Variants in PACRGL observed in about 807,000 individuals in gnomAD.
The protein encoded by PACRGL is parkin coregulated like.
A neutral mutation model predicts 34.5 loss-of-function variants in PACRGL; 38 were observed. That is an observed-to-expected ratio of 1.10 (90% CI 0.85 to 1.44). PACRGL has a LOEUF of 1.44. Ranked by LOEUF, PACRGL falls within the 40% of genes most tolerant of loss-of-function variation. The pLI is 0.00. For synonymous variants in PACRGL, 128 were observed against 100.1 expected (o/e 1.28, Z -1.66); for missense variants, 305 against 281.4 (o/e 1.08, Z -0.60).
intron 8 of PACRGL, among the ~76,000 whole-genome samples, chr4:20,739,025 C>G (rs1383964221): frequency 6.6e-6 from 1 of 152,174 alleles, no homozygotes; most frequent in Non-Finnish European, 1.5e-5. Flanking sequence ...TGCAAGGCAA[C>G]AGTGAGGCTG....
At chr4:20,739,277 G>A (rs1053004159) in intron 8 of PACRGL, among the ~76,000 whole-genome samples, 1 of 152,216 alleles carries the variant, frequency 6.6e-6, no homozygotes, top group Admixed American at 6.5e-5. Context: ...CAGACAGACT[G>A]CCTCCTCAAG....
At chr4:20,710,616 G>T (rs1736730784) in intron 5 of PACRGL, among the ~76,000 whole-genome samples, 1 of 152,034 alleles carries the variant, frequency 6.6e-6, no homozygotes, top group Admixed American at 6.6e-5. Flanking sequence ...GCCTTTTTAG[G>T]TTAATATCAT....
downstream of PACRGL, among the ~76,000 whole-genome samples, chr4:20,735,518 G>GT (rs754949562): frequency 5.7e-4 from 74 of 130,778 alleles, no homozygotes; most frequent in African/African-American, 1.1e-3. Context: ...TTCATTTAGT[G>GT]TTTTTTTTTT....
chr4:20,746,374 G>C (rs1578495536), intron 8 of PACRGL, among the ~76,000 whole-genome samples: 1 of 152,048 alleles, frequency 6.6e-6, no homozygotes, highest in Non-Finnish European at 1.5e-5. Flanking sequence ...GCATGTCGGA[G>C]GGTGGGGGGC....
At chr4:20,723,331 G>A (rs1214199154) in intron 7 of PACRGL, among the ~76,000 whole-genome samples, 2 of 152,114 alleles carry the variant, frequency 1.3e-5, no homozygotes, top group Non-Finnish European at 2.9e-5. Context: ...CTCCTGTTTT[G>A]TGCCAGGTAT....
At chr4:20,720,505 G>C (rs1742535951) in intron 7 of PACRGL, among the ~76,000 whole-genome samples, 1 of 152,180 alleles carries the variant, frequency 6.6e-6, no homozygotes, top group African/African-American at 2.4e-5. Context: ...TCCTTCAGGA[G>C]CTCTTGTAAG....
chr4:20,704,925 A>G, intron 3 of PACRGL, 111 bp downstream of exon 3: 2 of 1,229,128 alleles, frequency 1.6e-6, no homozygotes, highest in Middle Eastern at 2.1e-4. Flanking sequence ...TTTTGAGCTA[A>G]TAATGAGAGA....
chr4:20,757,821 G>A (rs1025280686), downstream of PACRGL, among the ~76,000 whole-genome samples: 7 of 152,116 alleles, frequency 4.6e-5, no homozygotes, highest in Non-Finnish European at 8.8e-5. Context: ...GGCATGCCAG[G>A]GACAGGCACA....
intron 8 of PACRGL, among the ~76,000 whole-genome samples, chr4:20,742,689 A>C (rs546420878): frequency 6.6e-6 from 1 of 152,258 alleles, no homozygotes; most frequent in South Asian, 2.1e-4. Flanking sequence ...ACTCCTATTC[A>C]ACATAGTGTT....
chr4:20,709,095 C>T (rs754237306), intron 4 of PACRGL, among the ~76,000 whole-genome samples: 10 of 152,044 alleles, frequency 6.6e-5, no homozygotes, highest in East Asian at 1.9e-4. Context: ...GCCAAGATCG[C>T]GCCATTACAC....
At chr4:20,756,266 C>CA (rs540359122), downstream of PACRGL, among the ~76,000 whole-genome samples, 34 of 152,084 alleles carry the variant, frequency 2.2e-4, no homozygotes, top group East Asian at 6.0e-3. Context: ...GAGTAGATGT[C>CA]AAAGTTGAAA....
At chr4:20,742,278 A>G (rs1181448305) in intron 8 of PACRGL, among the ~76,000 whole-genome samples, 4 of 152,210 alleles carry the variant, frequency 2.6e-5, no homozygotes, top group African/African-American at 4.8e-5. Flanking sequence ...AAAGAATTTT[A>G]GACCAATATC....
At position 20,748,048 on chromosome 4, in the gene PACRGL, C is replaced by T. The variant is rs1752739272; in HGVS notation, c.*57-4517C>T. ...TCAGGCTTTTATCAGACCCTGTCTG[C>T]ACTCTTGCAATACTTAGCTGCTAAT... On this transcript the variant is annotated intron_variant, in intron 8 of 8. Transcript: ENST00000507634. Among the ~76,000 whole-genome samples, 3 of 152,232 alleles carry T rather than the reference C, an allele frequency of 2.0e-5. No individual in the cohort carries two copies. The South Asian group carries it at 6.2e-4, about 32-fold the overall frequency.
rs1747503398 is a variant in PACRGL, at chr4:20,729,853, A to G, written c.*2512A>G. Reference sequence around the variant, plus strand: ...TATTACTTTTGAATATTCACAGAGTATGAAATGAGTTAGACCATCCCCTGA... The same window carrying G: ...TATTACTTTTGAATATTCACAGAGTGTGAAATGAGTTAGACCATCCCCTGA... On this transcript the variant is annotated 3_prime_UTR_variant, in exon 9 of 9. Coordinates refer to ENST00000503585, the MANE Select transcript of PACRGL (RefSeq NM_001258345.3). The G allele has an allele frequency of 4.8e-6, 2 of 413,326 alleles. No homozygotes were observed. Among genetic ancestry groups the G allele is most frequent in the Middle Eastern group, 6.5e-4 (1 of 1,542 alleles). 25.6% of individuals were successfully genotyped at this position (413,326 alleles called of 1,614,324 possible).
chr4:20,712,093 T>C (rs932347635), intron 5 of PACRGL, among the ~76,000 whole-genome samples: 4 of 152,244 alleles, frequency 2.6e-5, no homozygotes, highest in Admixed American at 2.0e-4. Context: ...ATCTTTTTAT[T>C]ATCCTAGCGA....
chr4:20,721,154 G>T (rs143717123), intron 7 of PACRGL, among the ~76,000 whole-genome samples: 2 of 151,998 alleles, frequency 1.3e-5, no homozygotes, highest in South Asian at 2.1e-4. Context: ...TGTAGTTCTC[G>T]TGCCATGGTG....
At position 20,704,818 on chromosome 4, in the gene PACRGL, G is replaced by A. The variant is rs767260343; in HGVS notation, c.207+4G>A. 2.5e-6 allele frequency: 4 copies of A among 1,613,528 alleles called. No homozygotes were observed. Among genetic ancestry groups the A allele is most frequent in the East Asian group, 2.2e-5 (1 of 44,862 alleles). On this transcript the variant is annotated splice_donor_region_variant and intron_variant, in intron 3 of 8. Coordinates refer to ENST00000503585, the MANE Select transcript of PACRGL (RefSeq NM_001258345.3). ...GAACCCTAAAACAATTAATCCGGTAGGTCCAAAACTATTCCTAACTCAGTA... is the reference window on the plus strand; with the variant it reads ...GAACCCTAAAACAATTAATCCGGTAAGTCCAAAACTATTCCTAACTCAGTA...
intron 7 of PACRGL, among the ~76,000 whole-genome samples, chr4:20,721,264 G>T (rs1743002048): frequency 6.6e-6 from 1 of 152,006 alleles, no homozygotes. Context: ...TTTGCAATGG[G>T]TTCAAACTTC....
At chr4:20,739,931 G>C (rs574706708) in intron 8 of PACRGL, among the ~76,000 whole-genome samples, 1 of 152,132 alleles carries the variant, frequency 6.6e-6, no homozygotes, top group African/African-American at 2.4e-5. Flanking sequence ...CATGGCACAA[G>C]AACTATCTGA....
Sources: gnomAD v4.1 joint callset for allele counts (sites outside exome capture counted in the v4.1 genomes callset) on GRCh38, gnomAD v4.1.1 for gene constraint, MANE v1.5 for transcripts, NCBI Gene and HGNC (gene_info 2026-07-23, HGNC 2026-07-21) for gene names.